Variants in PACRG observed in about 807,000 individuals in gnomAD.
PACRG encodes parkin coregulated gene protein.
PACRG carries 29 observed loss-of-function variants against 29.7 expected under a neutral mutation model. The observed-to-expected ratio is 0.98, with a 90% CI of 0.73 to 1.33. The LOEUF (loss-of-function observed/expected upper bound fraction) is 1.33, where lower values mean the gene tolerates loss of function less well. Among genes scored for constraint, PACRG ranks in the 40% most tolerant of loss-of-function variants. The pLI, the probability that PACRG is intolerant of heterozygous loss-of-function variation, is 0.00. For synonymous variants in PACRG, 116 were observed against 118.7 expected (o/e 0.98, Z 0.15); for missense variants, 279 against 316.2 (o/e 0.88, Z 0.89).
chr6:162,914,529 T>TTTTTTTTG (rs1796564342), intron 2 of PACRG, among the ~76,000 whole-genome samples: 1 of 104,050 alleles, frequency 9.6e-6, no homozygotes, highest in Non-Finnish European at 2.0e-5. Context: ...TTTTTTTTTT[T>TTTTTTTTG]TAGTTGTTTG....
intron 1 of PACRG, among the ~76,000 whole-genome samples, chr6:162,793,971 C>T (rs1020316168): frequency 6.6e-6 from 1 of 152,176 alleles, no homozygotes; most frequent in Non-Finnish European, 1.5e-5. Flanking sequence ...CAAACCTGCA[C>T]ATGTACCCTT....
chr6:163,058,701 C>A (rs929696960), intron 2 of PACRG, among the ~76,000 whole-genome samples: 4 of 152,184 alleles, frequency 2.6e-5, no homozygotes, highest in African/African-American at 9.6e-5. Flanking sequence ...TCGAGACCCT[C>A]CTGGCTAACA....
At chr6:162,925,420 A>G (rs556954971) in intron 2 of PACRG, among the ~76,000 whole-genome samples, 1 of 152,316 alleles carries the variant, frequency 6.6e-6, no homozygotes, top group African/African-American at 2.4e-5. Context: ...CTTCAATAAA[A>G]TACTGGCAAA....
intron 4 of PACRG, among the ~76,000 whole-genome samples, chr6:163,161,789 C>T (rs535284888): frequency 3.9e-4 from 60 of 152,244 alleles, no homozygotes; most frequent in Admixed American, 1.2e-3. Context: ...TCCGTGGCTC[C>T]GTTGCACTAC....
intron 2 of PACRG, among the ~76,000 whole-genome samples, chr6:162,848,150 G>T (rs1356506075): frequency 6.6e-6 from 1 of 152,178 alleles, no homozygotes; most frequent in Non-Finnish European, 1.5e-5. Flanking sequence ...AGGAGGCACA[G>T]CTCCAAGGGA....
At chr6:163,199,558 C>G in intron 4 of PACRG, among the ~76,000 whole-genome samples, 1 of 152,196 alleles carries the variant, frequency 6.6e-6, no homozygotes, top group East Asian at 1.9e-4. Context: ...AAGAGCTGAT[C>G]CCAGATTCAA....
chr6:163,299,981 G>C (rs1221701784), intron 4 of PACRG, among the ~76,000 whole-genome samples: 2 of 152,190 alleles, frequency 1.3e-5, no homozygotes, highest in Non-Finnish European at 2.9e-5. Flanking sequence ...GCACGTAGGG[G>C]GCACAGAGCT....
rs1231141905 is a variant in PACRG at position 162,728,043 on chromosome 6, C to G, written c.-193C>G. On this transcript the variant is annotated 5_prime_UTR_variant, in exon 1 of 5. Coordinates refer to ENST00000366888, the MANE Select transcript of PACRG (RefSeq NM_001080379.2). Reference sequence around the variant, plus strand: ...TAGCCAAGGTCCTGCCCTCTTCCCGCCCCGCCCCTAGGGTCCAGCTCCCTT... The same window carrying G: ...TAGCCAAGGTCCTGCCCTCTTCCCGGCCCGCCCCTAGGGTCCAGCTCCCTT... 2.8e-6 allele frequency: 2 copies of G among 714,950 alleles called. No individual in the cohort carries two copies. The highest frequency in any genetic ancestry group is 4.7e-6 in the Non-Finnish European group (2 of 422,352). 44.3% of individuals were successfully genotyped at this position (714,950 alleles called of 1,614,324 possible).
At chr6:163,149,252 G>T (rs1301048410) in intron 4 of PACRG, among the ~76,000 whole-genome samples, 1 of 151,768 alleles carries the variant, frequency 6.6e-6, no homozygotes, top group Non-Finnish European at 1.5e-5. Context: ...GACGCCTCCC[G>T]CGGGCGCTGG....
Position 163,000,687 on chromosome 6 carries a change from A to G in PACRG, c.292-61463A>G, listed in dbSNP as rs548299558. Among the ~76,000 whole-genome samples, 80 of 152,296 alleles carry G rather than the reference A, an allele frequency of 5.3e-4. No homozygotes were observed. The Middle Eastern group carries it at 0.01, about 19-fold the overall frequency. ...ACATGGCCCAGCAGGAACTCAACAA[A>G]TGGAAATTCACGTGATCGTCATTTC... On this transcript the variant is annotated intron_variant, in intron 2 of 4. Coordinates refer to ENST00000366888, the MANE Select transcript of PACRG (RefSeq NM_001080379.2).
intron 2 of PACRG, among the ~76,000 whole-genome samples, chr6:162,870,406 A>T (rs1396542462): frequency 6.6e-6 from 1 of 152,080 alleles, no homozygotes; most frequent in Non-Finnish European, 1.5e-5. Context: ...TTGCTACCAC[A>T]CGTACATTTC....
chr6:163,098,816 C>T (rs965382416), intron 4 of PACRG, among the ~76,000 whole-genome samples: 7 of 152,150 alleles, frequency 4.6e-5, no homozygotes, highest in African/African-American at 1.2e-4. Context: ...AAACAACGGG[C>T]GGATTATTCA....
intron 2 of PACRG, among the ~76,000 whole-genome samples, chr6:162,887,099 G>C (rs1016197975): frequency 5.9e-5 from 9 of 152,204 alleles, no homozygotes; most frequent in African/African-American, 2.2e-4. Flanking sequence ...AGTAGAGACG[G>C]GGTTTCACCA....
At chr6:163,270,154 A>G (rs1333645972) in intron 4 of PACRG, among the ~76,000 whole-genome samples, 1 of 152,124 alleles carries the variant, frequency 6.6e-6, no homozygotes, top group African/African-American at 2.4e-5. Context: ...TAACAGAAAT[A>G]AATCCAAGAA....
chr6:162,913,125 A>G (rs1413908740), intron 2 of PACRG, among the ~76,000 whole-genome samples: 2 of 152,238 alleles, frequency 1.3e-5, no homozygotes, highest in Non-Finnish European at 2.9e-5. Context: ...TCACTGAAGT[A>G]TAAATGAAAT....
At chr6:163,125,337 T>C (rs1022824306) in intron 4 of PACRG, among the ~76,000 whole-genome samples, 2 of 151,992 alleles carry the variant, frequency 1.3e-5, no homozygotes, top group Admixed American at 6.5e-5. Context: ...AATTTCAGAG[T>C]GAGGAAGCCA....
chr6:163,134,970 A>G (rs1461032831), intron 4 of PACRG, among the ~76,000 whole-genome samples: 2 of 152,160 alleles, frequency 1.3e-5, no homozygotes, highest in African/African-American at 2.4e-5. Context: ...CCCTACTCTG[A>G]GGTGATGAGT....
At position 163,222,094 on chromosome 6, in the gene PACRG, C is replaced by CA. The variant is rs532434976; in HGVS notation, c.614-92727dup. ...TTGTTCAGGTGCGCTGACCAAATGACAAAAAACTGTAAAGTATTTTGTAAA... is the reference window on the plus strand; with the variant it reads ...TTGTTCAGGTGCGCTGACCAAATGACAAAAAAACTGTAAAGTATTTTGTAAA... On this transcript the variant is annotated intron_variant, in intron 4 of 4. Coordinates refer to ENST00000366888, the MANE Select transcript of PACRG (RefSeq NM_001080379.2). Among the ~76,000 whole-genome samples the CA allele has an allele frequency of 1.0e-3, 147 of 146,064 alleles. No individual in the cohort carries two copies. The South Asian group carries it at 0.014, about 14-fold the overall frequency.
At chr6:162,828,685 A>T (rs1788487873) in intron 2 of PACRG, among the ~76,000 whole-genome samples, 1 of 152,214 alleles carries the variant, frequency 6.6e-6, no homozygotes. Context: ...GGTCAGAGGA[A>T]ATTTTCCAAA....
Sources: allele counts gnomAD v4.1 joint callset (sites outside exome capture counted in the v4.1 genomes callset), GRCh38; gene constraint gnomAD v4.1.1; transcripts MANE v1.5; gene names NCBI Gene and HGNC (gene_info 2026-07-23, HGNC 2026-07-21).